ATP2C2: variants seen among roughly 807,000 people sequenced by gnomAD.
ATP2C2 encodes ATPase secretory pathway Ca2+ transporting 2.
Under a neutral mutation model 110.8 loss-of-function variants are expected in ATP2C2, and 171 were observed. The observed-to-expected ratio is 1.54, with a 90% CI of 1.36 to 1.75. The LOEUF is 1.75. Among genes scored for constraint, ATP2C2 ranks in the 40% most tolerant of loss-of-function variants. The probability of loss-of-function intolerance (pLI) is 0.00; values close to 1 mark genes in which losing one functional copy is unlikely to be tolerated. For missense variants in ATP2C2, 1,963 were observed against 1,235.0 expected (o/e 1.59, Z -8.84); for synonymous variants, 804 against 508.4 (o/e 1.58, Z -7.82).
intron 11 of ATP2C2, among the ~76,000 whole-genome samples, chr16:84,431,641 C>T (rs1004337933): frequency 1.3e-5 from 2 of 151,712 alleles, no homozygotes; most frequent in Admixed American, 1.3e-4. Flanking sequence ...GGGGTGGGAA[C>T]ATATCCGAGG....
chr16:84,418,281 T>C (rs1006854026), intron 7 of ATP2C2, among the ~76,000 whole-genome samples: 4 of 152,294 alleles, frequency 2.6e-5, no homozygotes, highest in African/African-American at 9.6e-5. Context: ...CCTTGGTGGC[T>C]ATGGGTTCTG....
intron 21 of ATP2C2, 37 bp downstream of exon 21, chr16:84,455,021 A>G (rs759896286): frequency 3.5e-5 from 54 of 1,560,232 alleles, no homozygotes; most frequent in Non-Finnish European, 4.5e-5. Context: ...AGTTGCAAAA[A>G]TGCCTGGGGT....
chr16:84,460,841 T>G (rs751602333), intron 24 of ATP2C2, 40 bp downstream of exon 24: 31 of 1,583,848 alleles, frequency 2.0e-5, no homozygotes, highest in Non-Finnish European at 2.6e-5. Flanking sequence ...CAAGCCCTGG[T>G]GCGGTGCAGA....
At chr16:84,442,227 G>A (rs753962919) in intron 14 of ATP2C2, among the ~76,000 whole-genome samples, 6 of 152,138 alleles carry the variant, frequency 3.9e-5, no homozygotes, top group Non-Finnish European at 7.4e-5. Context: ...AAGTGGAAAT[G>A]CCATCATCCC....
intron 7 of ATP2C2, among the ~76,000 whole-genome samples, chr16:84,420,423 G>T (rs59006942): frequency 6.7e-6 from 1 of 149,754 alleles, no homozygotes; most frequent in African/African-American, 2.5e-5. Context: ...CCTTCTCTTC[G>T]TAGTTTTCTT....
intron 20 of ATP2C2, among the ~76,000 whole-genome samples, chr16:84,454,566 C>T (rs1349485789): frequency 2.0e-5 from 3 of 152,174 alleles, no homozygotes; most frequent in Non-Finnish European, 2.9e-5. Flanking sequence ...CCGTCACATC[C>T]GTCATCTCAG....
chr16:84,435,221 G>T (rs980330396), intron 11 of ATP2C2, among the ~76,000 whole-genome samples: 7 of 152,242 alleles, frequency 4.6e-5, no homozygotes, highest in Admixed American at 6.5e-5. Flanking sequence ...TCTGAAATCA[G>T]ATCACTTCTA....
chr16:84,455,774 T>C (rs1335929480), intron 21 of ATP2C2, among the ~76,000 whole-genome samples: 1 of 150,032 alleles, frequency 6.7e-6, no homozygotes, highest in Non-Finnish European at 1.5e-5. Context: ...AAGTCATAGA[T>C]AGCTCTTATT....
At chr16:84,376,440 C>A (rs1209896635) in intron 1 of ATP2C2, among the ~76,000 whole-genome samples, 1 of 152,118 alleles carries the variant, frequency 6.6e-6, no homozygotes, top group African/African-American at 2.4e-5. Flanking sequence ...TGAGTGTAGA[C>A]CAAGTGTGTT....
chr16:84,459,084 C>A (rs1312207513), intron 21 of ATP2C2, 36 bp from the exon 22 acceptor site: 2 of 1,609,604 alleles, frequency 1.2e-6, no homozygotes. Flanking sequence ...CTCACGCAGG[C>A]CCGCTCCGTG....
intron 1 of ATP2C2, among the ~76,000 whole-genome samples, chr16:84,391,816 G>C (rs917588091): frequency 1.3e-5 from 2 of 152,142 alleles, no homozygotes; most frequent in South Asian, 2.1e-4. Flanking sequence ...AGACCAAGCA[G>C]CCATGGGAAA....
At chr16:84,401,742 A>G (rs922771574) in intron 2 of ATP2C2, among the ~76,000 whole-genome samples, 1 of 152,210 alleles carries the variant, frequency 6.6e-6, no homozygotes, top group African/African-American at 2.4e-5. Flanking sequence ...GCTCTGCAGT[A>G]TAATTTAAAG....
rs987935331 is a variant in ATP2C2, at chr16:84,370,439, C to T, written c.99+1725C>T. Among the ~76,000 whole-genome samples, 23 of 152,222 alleles carry T rather than the reference C, an allele frequency of 1.5e-4. No individual in the cohort carries two copies. The Middle Eastern group carries it at 0.01, about 68-fold the overall frequency. ...CTCCAGAGGCAGCCTTGTGCAAACC[C>T]AGGAAATGTGCAAACCCAGGAAATG... On this transcript the variant is annotated intron_variant, in intron 1 of 26. Transcript: ENST00000262429.
At chr16:84,463,429 G>C (rs1227845853) in intron 26 of ATP2C2, among the ~76,000 whole-genome samples, 185 bp from the exon 27 acceptor site, 2 of 152,176 alleles carry the variant, frequency 1.3e-5, no homozygotes, top group African/African-American at 2.4e-5. Flanking sequence ...ACCACAGGCA[G>C]GCCCTTCTGG....
intron 15 of ATP2C2, 25 bp downstream of exon 15, chr16:84,442,624 C>T (rs371657384): frequency 6.8e-6 from 11 of 1,606,914 alleles, no homozygotes; most frequent in Admixed American, 3.3e-5. Context: ...GGTGGCTCTG[C>T]GGGGAATTCT....
intron 11 of ATP2C2, among the ~76,000 whole-genome samples, chr16:84,431,356 A>G (rs369633978): frequency 6.6e-6 from 1 of 152,050 alleles, no homozygotes; most frequent in African/African-American, 2.4e-5. Context: ...TTAGCCGGGC[A>G]TGGTGGTGTG....
chr16:84,460,953 G>C (rs1476678695), intron 24 of ATP2C2, 152 bp downstream of exon 24: 2 of 1,154,094 alleles, frequency 1.7e-6, no homozygotes, highest in African/African-American at 1.6e-5. Flanking sequence ...GGCGTGGGGT[G>C]CATGAGGCAA....
chr16:84,422,582 A>G (rs763492589), intron 8 of ATP2C2, 43 bp downstream of exon 8: 1 of 1,611,654 alleles, frequency 6.2e-7, no homozygotes, highest in South Asian at 1.1e-5. Context: ...CGTAACCCAC[A>G]GGCTCCCAGC....
In ATP2C2 at chr16:84,405,200, G is replaced by C. The variant is rs1358622079; in HGVS notation, c.283G>C (p.Val95Leu). The stretch of plus-strand genomic sequence containing the variant: ...GCTGGCCCATGGCTGGAATGAGTTT[G>C]TTGCTGACAACAGCGAACCTGTGTG... ...RRLAHGWNEF[V>L]ADNSEPVWKK... Residue 95 changes from valine (V) to leucine (L), a missense_variant, in exon 3 of 27, where the codon GTT (valine) becomes CTT (leucine). By Grantham distance (32) the Val-to-Leu change is conservative (BLOSUM62 1). Transcript: ENST00000262429. The C allele has an allele frequency of 6.2e-7, 1 of 1,614,044 alleles. No individual in the cohort carries two copies. Among genetic ancestry groups the C allele is most frequent in the South Asian group, 1.1e-5 (1 of 91,078 alleles).
Sources: allele counts gnomAD v4.1 joint callset (sites outside exome capture counted in the v4.1 genomes callset), GRCh38; gene constraint gnomAD v4.1.1; transcripts MANE v1.5; gene names NCBI Gene and HGNC (gene_info 2026-07-23, HGNC 2026-07-21).